The following ANK3 variants were observed in gnomAD, a reference collection of about 807,000 sequenced individuals.
ANK3 encodes the protein ankyrin-3.
A neutral mutation model predicts 370.9 loss-of-function variants in ANK3; 57 were observed. The ratio of observed to expected loss-of-function variants is 0.15; its 90% CI spans 0.12 to 0.19. The LOEUF is 0.19. ANK3 is among the 10% of genes least tolerant of loss of function. ANK3 has a pLI of 1.00. For missense variants in ANK3, 4,439 were observed against 5,302.1 expected (o/e 0.84, Z 5.06); for synonymous variants, 1,929 against 1,946.3 (o/e 0.99, Z 0.23).
intron 8 of ANK3, among the ~76,000 whole-genome samples, chr10:60,215,165 G>A (rs1356354168): frequency 6.6e-6 from 1 of 152,038 alleles, no homozygotes; most frequent in African/African-American, 2.4e-5. Flanking sequence ...GTCTTCTTTT[G>A]AGAAGTGTCT....
At chr10:60,110,217 G>A (rs755581858) in intron 26 of ANK3, among the ~76,000 whole-genome samples, 4 of 152,078 alleles carry the variant, frequency 2.6e-5, no homozygotes, top group Non-Finnish European at 4.4e-5. Context: ...CTTCCTAGCT[G>A]GGGACCGTCT....
chr10:60,303,809 C>T (rs2044346884), intron 1 of ANK3, among the ~76,000 whole-genome samples: 1 of 151,902 alleles, frequency 6.6e-6, no homozygotes, highest in African/African-American at 2.4e-5. Context: ...CAGCATTATT[C>T]ATAATAGCCA....
intron 1 of ANK3, among the ~76,000 whole-genome samples, chr10:60,722,773 C>G (rs1254783488): frequency 1.3e-5 from 2 of 152,052 alleles, no homozygotes; most frequent in Admixed American, 6.5e-5. Flanking sequence ...CATGGGAGAT[C>G]TGGTTGTTTA....
rs939662937 is a variant in ANK3, at chr10:60,183,163, C to T, written c.2086-1736G>A. The stretch of plus-strand genomic sequence containing the variant: ...GGCTTCCCTGGCCTTTCTCTCTTCT[C>T]GTTTCAATAAAGGGCCAAGTTATTA... On this transcript the variant is annotated intron_variant, in intron 17 of 43. Coordinates refer to ENST00000280772, the MANE Select transcript of ANK3 (RefSeq NM_020987.5). 3.9e-5 allele frequency among the ~76,000 whole-genome samples: 6 copies of T among 152,192 alleles called. No homozygotes were observed. In the South Asian group the frequency reaches 8.3e-4, roughly 21 times the overall value.
chr10:60,567,898 G>T (rs1193780702), intron 2 of ANK3, among the ~76,000 whole-genome samples: 1 of 152,102 alleles, frequency 6.6e-6, no homozygotes, highest in Non-Finnish European at 1.5e-5. Context: ...TAGCAAGAGA[G>T]CTAGAAACCT....
intron 1 of ANK3, among the ~76,000 whole-genome samples, chr10:60,322,418 A>G (rs1410592932): frequency 1.3e-5 from 2 of 152,166 alleles, no homozygotes; most frequent in Non-Finnish European, 2.9e-5. Context: ...CTGAAAATAT[A>G]AAAATTTTAG....
chr10:60,330,135 T>C (rs908640910), intron 1 of ANK3, among the ~76,000 whole-genome samples: 1 of 152,016 alleles, frequency 6.6e-6, no homozygotes, highest in African/African-American at 2.4e-5. Context: ...AAAAATTAAC[T>C]CAAGATGGAT....
chr10:60,049,629 T>C (rs1005989019), intron 42 of ANK3, among the ~76,000 whole-genome samples: 19 of 152,206 alleles, frequency 1.2e-4, no homozygotes, highest in Admixed American at 1.2e-3. Context: ...CCTGTTTTTA[T>C]GAAACCTACA....
At chr10:60,733,117 G>T in intron 1 of ANK3, 1 of 599,164 alleles carries the variant, frequency 1.7e-6, no homozygotes, top group Non-Finnish European at 2.4e-6. Context: ...CCCTCCACTC[G>T]CCCTCCCGGA....
At chr10:60,566,217 C>G (rs1019023041) in intron 2 of ANK3, among the ~76,000 whole-genome samples, 1 of 152,108 alleles carries the variant, frequency 6.6e-6, no homozygotes, top group Admixed American at 6.6e-5. Context: ...TCTGACTGCT[C>G]CACTGACATG....
chr10:60,191,805 C>T (rs1347242990), intron 16 of ANK3, among the ~76,000 whole-genome samples: 1 of 152,194 alleles, frequency 6.6e-6, no homozygotes, highest in Non-Finnish European at 1.5e-5. Flanking sequence ...ATGTTCATTG[C>T]AGCACCATTC....
chr10:60,654,358 C>T (rs942412975), intron 1 of ANK3, among the ~76,000 whole-genome samples: 14 of 152,114 alleles, frequency 9.2e-5, no homozygotes, highest in African/African-American at 4.8e-5. Flanking sequence ...AAGAAGTGAA[C>T]ATTCTTGCCT....
At chr10:60,228,650 TTTATC>T (rs1217600151) in intron 8 of ANK3, among the ~76,000 whole-genome samples, 1 of 152,200 alleles carries the variant, frequency 6.6e-6, no homozygotes, top group Non-Finnish European at 1.5e-5. Flanking sequence ...AATAACTTCT[TTTATC>T]TTTATCTTTC....
At chr10:60,684,471 C>A (rs541205773) in intron 1 of ANK3, 5 of 1,231,028 alleles carry the variant, frequency 4.1e-6, no homozygotes, top group Middle Eastern at 2.1e-4. Context: ...AAGTAGAAAG[C>A]GTTTCAATTT....
rs189711580 is a variant in ANK3, at chr10:60,457,184, T to C, written c.96+158002A>G. Among the ~76,000 whole-genome samples, 790 of 152,122 alleles carry C rather than the reference T, an allele frequency of 5.2e-3. 6 individuals are homozygous for C. The highest frequency in any genetic ancestry group is 8.6e-3 in the Non-Finnish European group (583 of 67,980). ...GGGCAATAATACATCACCCTCTCCA[T>C]AGAAAGAAGCTAAACATGTGCAAAG... On this transcript the variant is annotated intron_variant, in intron 2 of 43. Coordinates refer to the ANK3 transcript ENST00000373827.
intron 25 of ANK3, among the ~76,000 whole-genome samples, chr10:60,132,805 C>T (rs943847641): frequency 2.6e-4 from 23 of 87,182 alleles, no homozygotes; most frequent in Admixed American, 2.5e-3. Context: ...TTAGTAGAGA[C>T]GGGGTTTCAC....
At chr10:60,133,420 T>C (rs569952584) in intron 25 of ANK3, among the ~76,000 whole-genome samples, 1 of 152,310 alleles carries the variant, frequency 6.6e-6, no homozygotes, top group East Asian at 1.9e-4. Context: ...CCGCTATCTA[T>C]TCAACCACAA....
intron 2 of ANK3, among the ~76,000 whole-genome samples, chr10:60,463,963 C>T (rs2064952323): frequency 6.6e-6 from 1 of 151,898 alleles, no homozygotes; most frequent in Admixed American, 6.6e-5. Flanking sequence ...TCTTCTTTGC[C>T]AAGAAATGTA....
At chr10:60,700,678 T>A (rs1165600269) in intron 1 of ANK3, among the ~76,000 whole-genome samples, 1 of 152,122 alleles carries the variant, frequency 6.6e-6, no homozygotes, top group Non-Finnish European at 1.5e-5. Context: ...CAAATGCAAA[T>A]TTAATATTTG....
Sources: allele counts gnomAD v4.1 joint callset (sites outside exome capture counted in the v4.1 genomes callset), GRCh38; gene constraint gnomAD v4.1.1; transcripts MANE v1.5; gene names NCBI Gene and HGNC (gene_info 2026-07-23, HGNC 2026-07-21).